SOX5: variants seen among roughly 807,000 people sequenced by gnomAD.
SOX5 encodes SRY-box transcription factor 5, also known as transcription factor SOX-5.
A neutral mutation model predicts 92.0 loss-of-function variants in SOX5; 9 were observed. That is an observed-to-expected ratio of 0.10 (90% CI 0.06 to 0.17). The LOEUF is 0.17. Among genes scored for constraint, SOX5 ranks in the 10% least tolerant of loss-of-function variants. SOX5 has a pLI of 1.00. For synonymous variants in SOX5, 344 were observed against 336.3 expected, an observed-to-expected ratio of 1.02 and a Z score of -0.25; for missense variants, 642 against 944.5, an observed-to-expected ratio of 0.68 and a Z score of 4.20.
chr12:23,959,736 G>T (rs762291374), intron 4 of SOX5, among the ~76,000 whole-genome samples: 2 of 152,068 alleles, frequency 1.3e-5, no homozygotes, highest in Non-Finnish European at 2.9e-5. Context: ...AATACAAATT[G>T]TTCAAAGAAA....
At chr12:24,260,519 T>A (rs1594899817) in intron 3 of SOX5, among the ~76,000 whole-genome samples, 2 of 152,212 alleles carry the variant, frequency 1.3e-5, no homozygotes, top group Admixed American at 1.3e-4. Context: ...TTAATTGATG[T>A]TTAATGAGTA....
rs187208732 is a variant in SOX5 at position 24,031,377 on chromosome 12, A to G, written c.-1-135353T>C. Among the ~76,000 whole-genome samples, 32 of 151,984 alleles carry G rather than the reference A, an allele frequency of 2.1e-4. 1 individual carries two copies. The East Asian group carries it at 5.8e-3, about 28-fold the overall frequency. On this transcript the variant is annotated intron_variant, in intron 4 of 4. Transcript: ENST00000446891. ...CAGTGGAATATTATTTGACCATTAA[A>G]AAAAGAAAATCCTATCATTTTGCAA...
intron 2 of SOX5, among the ~76,000 whole-genome samples, chr12:23,864,183 C>G (rs1346872788): frequency 2.0e-5 from 3 of 152,104 alleles, no homozygotes; most frequent in Non-Finnish European, 4.4e-5. Flanking sequence ...TGGAGCACCA[C>G]TAACCGCACC....
At chr12:23,779,299 T>C (rs568454419) in intron 3 of SOX5, among the ~76,000 whole-genome samples, 1 of 151,414 alleles carries the variant, frequency 6.6e-6, no homozygotes, top group South Asian at 2.1e-4. Context: ...ATTACACTTA[T>C]TACAAAATCA....
chr12:23,728,945 T>C (rs1287640906), intron 6 of SOX5, among the ~76,000 whole-genome samples: 4 of 152,152 alleles, frequency 2.6e-5, no homozygotes, highest in Non-Finnish European at 4.4e-5. Context: ...ATAAAGCCTT[T>C]CTAAAAACCT....
chr12:24,473,086 CCT>C (rs1305626240), intron 1 of SOX5, among the ~76,000 whole-genome samples: 4 of 151,902 alleles, frequency 2.6e-5, no homozygotes, highest in Non-Finnish European at 5.9e-5. Context: ...CTTTATATCC[CCT>C]GTTCCTAGAG....
chr12:23,769,098 C>A (rs976366877), intron 3 of SOX5, among the ~76,000 whole-genome samples: 1 of 152,038 alleles, frequency 6.6e-6, no homozygotes. Flanking sequence ...TTATTTTTCT[C>A]TCTTGTTTTT....
At chr12:23,934,317 TC>T (rs1942060826) in intron 1 of SOX5, among the ~76,000 whole-genome samples, 1 of 150,880 alleles carries the variant, frequency 6.6e-6, no homozygotes, top group Non-Finnish European at 1.5e-5. Flanking sequence ...GAAATTCTCT[TC>T]CCCCATTTCA....
chr12:24,368,446 A>C (rs1019068932), intron 2 of SOX5: 1 of 152,238 alleles, frequency 6.6e-6, no homozygotes, highest in East Asian at 1.9e-4. Flanking sequence ...GTAAAAGGAA[A>C]AATTGTGCCA....
At chr12:23,995,893 C>G (rs1055921042) in intron 4 of SOX5, among the ~76,000 whole-genome samples, 4 of 152,096 alleles carry the variant, frequency 2.6e-5, no homozygotes, top group Non-Finnish European at 5.9e-5. Flanking sequence ...GAATAAAGAC[C>G]AATGTGAACT....
At chr12:23,819,585 C>G (rs112026930) in intron 3 of SOX5, among the ~76,000 whole-genome samples, 2 of 152,100 alleles carry the variant, frequency 1.3e-5, no homozygotes, top group Non-Finnish European at 1.5e-5. Context: ...CTAGTCCCCC[C>G]ACTCCCCGAC....
At chr12:24,135,091 T>G (rs959192255) in intron 4 of SOX5, among the ~76,000 whole-genome samples, 2 of 152,116 alleles carry the variant, frequency 1.3e-5, no homozygotes, top group African/African-American at 4.8e-5. Context: ...ATGCAGGAAT[T>G]ACAAAATGCC....
chr12:24,256,619 A>C (rs1346278761), intron 3 of SOX5, among the ~76,000 whole-genome samples: 1 of 101,226 alleles, frequency 9.9e-6, no homozygotes, highest in African/African-American at 3.9e-5. Flanking sequence ...GTTGAAAATG[A>C]GGGAGGGGAA....
In SOX5 at chr12:24,486,467, A is replaced by T. The variant is rs1398880813; in HGVS notation, c.-251+75862T>A. On this transcript the variant is annotated intron_variant, in intron 1 of 4. Transcript: ENST00000446891. Reference sequence around the variant, plus strand: ...CTCTTCCTTTGACTGAGCCCACTATACCTGACTCCCTCTAAAAACTGCATA... The same window carrying T: ...CTCTTCCTTTGACTGAGCCCACTATTCCTGACTCCCTCTAAAAACTGCATA... 2.6e-5 allele frequency among the ~76,000 whole-genome samples: 4 copies of T among 152,120 alleles called. No homozygotes were observed. The East Asian group carries it at 5.8e-4, about 22-fold the overall frequency.
intron 2 of SOX5, among the ~76,000 whole-genome samples, chr12:23,854,936 T>C (rs565914456): frequency 1.3e-5 from 2 of 152,194 alleles, no homozygotes; most frequent in South Asian, 2.1e-4. Flanking sequence ...TTATGAGCTA[T>C]AAAATTCATA....
chr12:24,497,394 G>C (rs1437978904), intron 1 of SOX5, among the ~76,000 whole-genome samples: 1 of 152,178 alleles, frequency 6.6e-6, no homozygotes. Context: ...GGTCAAGGAT[G>C]GATTTTAGAG....
chr12:23,574,032 T>A (rs193182285), intron 10 of SOX5, among the ~76,000 whole-genome samples: 27 of 151,632 alleles, frequency 1.8e-4, no homozygotes, highest in African/African-American at 6.3e-4. Context: ...GTTATCTATC[T>A]ATTAGTATCT....
chr12:24,026,519 G>C (rs1954897512), intron 4 of SOX5, among the ~76,000 whole-genome samples: 1 of 151,088 alleles, frequency 6.6e-6, no homozygotes, highest in African/African-American at 2.4e-5. Context: ...GGAGGCCAAG[G>C]CAGGTGGATC....
chr12:24,013,985 A>AGAT (rs1953269738), intron 4 of SOX5, among the ~76,000 whole-genome samples: 1 of 152,190 alleles, frequency 6.6e-6, no homozygotes. Context: ...TCCCATTTGC[A>AGAT]AATAAGAAGA....
Sources: gnomAD v4.1 joint callset for allele counts (sites outside exome capture counted in the v4.1 genomes callset) on GRCh38, gnomAD v4.1.1 for gene constraint, MANE v1.5 for transcripts, NCBI Gene and HGNC (gene_info 2026-07-23, HGNC 2026-07-21) for gene names.